WASHC5: variants seen among roughly 807,000 people sequenced by gnomAD.
WASHC5 encodes the protein WASH complex subunit strumpellin.
In WASHC5, 101 loss-of-function variants were observed where a neutral mutation model predicts 150.4. That is an observed-to-expected ratio of 0.67 (90% CI 0.57 to 0.79). WASHC5 has a LOEUF of 0.79. Ranked by LOEUF, WASHC5 falls within the 30% of genes least tolerant of loss-of-function variation. WASHC5 has a pLI of 0.00. For missense variants in WASHC5, 1,195 were observed against 1,396.3 expected, an observed-to-expected ratio of 0.86 and a Z score of 2.30; for synonymous variants, 467 against 491.2, an observed-to-expected ratio of 0.95 and a Z score of 0.65.
In WASHC5 at chr8:125,083,967, G is replaced by A. The variant is rs903412802; in HGVS notation, c.-69C>T. On this transcript the variant is annotated 5_prime_UTR_variant, in exon 2 of 29. Transcript: ENST00000318410. Reference sequence around the variant, plus strand: ...TTAACTGGCCTCAGAGCTGGTGTCTGTATATTATTAGATGAAACCAGGTGT... The same window carrying A: ...TTAACTGGCCTCAGAGCTGGTGTCTATATATTATTAGATGAAACCAGGTGT... 1.1e-4 allele frequency: 164 copies of A among 1,431,192 alleles called. No homozygotes were observed. The Admixed American group carries it at 1.4e-3, about 12-fold the overall frequency. 88.7% of individuals were successfully genotyped at this position (1,431,192 alleles called of 1,614,324 possible). A position where few individuals can be genotyped will look rare whatever the true frequency, so the allele number is the denominator to read the frequency against.
intron 1 of WASHC5, 112 bp from the exon 2 acceptor site, chr8:125,084,134 G>C: frequency 3.9e-6 from 2 of 509,856 alleles, no homozygotes; most frequent in South Asian, 4.2e-5. Context: ...AAGAAATAAT[G>C]AGTTCCTTTA....
At chr8:125,031,823 AC>A (rs1221059369) in intron 27 of WASHC5, among the ~76,000 whole-genome samples, 1 of 152,198 alleles carries the variant, frequency 6.6e-6, no homozygotes, top group Admixed American at 6.5e-5. Flanking sequence ...ACATGCAGAC[AC>A]TGCCCAGGCT....
intron 6 of WASHC5, among the ~76,000 whole-genome samples, chr8:125,077,507 G>A (rs1322248799): frequency 6.6e-6 from 1 of 152,186 alleles, no homozygotes; most frequent in Non-Finnish European, 1.5e-5. Flanking sequence ...AGAGAGTGGG[G>A]TGGACACACA....
chr8:125,051,130 C>T lies in WASHC5; in HGVS notation c.2098-465G>A, dbSNP rs576357688. Among the ~76,000 whole-genome samples, 448 of 152,162 alleles carry T rather than the reference C, an allele frequency of 2.9e-3. 4 individuals carry two copies. Among genetic ancestry groups the T allele is most frequent in the African/African-American group, 0.01 (420 of 41,494 alleles). The stretch of plus-strand genomic sequence containing the variant: ...ACATGAGCAAACTCAGATTTGAGGT[C>T]GGGCCACTCTGTAAATTGAATAATT... On this transcript the variant is annotated intron_variant, in intron 17 of 28. Coordinates refer to ENST00000318410, the MANE Select transcript of WASHC5 (RefSeq NM_014846.4).
intron 9 of WASHC5, among the ~76,000 whole-genome samples, chr8:125,072,359 G>C (rs1377947422): frequency 1.8e-5 from 2 of 108,648 alleles, no homozygotes; most frequent in Admixed American, 9.9e-5. Flanking sequence ...AAGTGGGGGG[G>C]GGGGGCGGGC....
At chr8:125,087,860 GA>G (rs60562440) in intron 1 of WASHC5, among the ~76,000 whole-genome samples, 84 of 152,074 alleles carry the variant, frequency 5.5e-4, no homozygotes, top group African/African-American at 1.8e-3. Flanking sequence ...AAAAGGAGAA[GA>G]AAAAGTTTTG....
intron 1 of WASHC5, among the ~76,000 whole-genome samples, chr8:125,089,292 T>C (rs1817522586): frequency 6.6e-6 from 1 of 152,162 alleles, no homozygotes; most frequent in Non-Finnish European, 1.5e-5. Context: ...GATGAAACTT[T>C]ACACCAGGAG....
chr8:125,055,757 T>C, intron 16 of WASHC5, 86 bp from the exon 17 acceptor site: 1 of 862,824 alleles, frequency 1.2e-6, no homozygotes, highest in South Asian at 1.3e-5. Context: ...CTTGTAGCTT[T>C]AGGACACCTG....
chr8:125,082,705 G>A (rs1221695967), intron 3 of WASHC5, among the ~76,000 whole-genome samples: 4 of 152,172 alleles, frequency 2.6e-5, no homozygotes, highest in African/African-American at 7.2e-5. Context: ...TGAATTACAA[G>A]TATCTAGGAG....
chr8:125,078,213 C>A (rs749595923), intron 6 of WASHC5, among the ~76,000 whole-genome samples: 1 of 152,166 alleles, frequency 6.6e-6, no homozygotes, highest in African/African-American at 2.4e-5. Flanking sequence ...GCTGCATGAT[C>A]TTCACAGCCT....
rs1232608796 is a variant in WASHC5, at chr8:125,075,058, A to C, written c.918T>G (p.Pro306=). ...ITVNLVDAWE[P]YKAAKTALNN... is the part of the protein sequence containing the mutation. ...TTAAAGCAGTTTTTGCAGCTTTGTA[A>C]GGTTCCCAAGCATCTACTAGATTAA... Residue 306 remains proline (P), a synonymous_variant, in exon 8 of 29, where the codon CCT becomes CCG. Transcript: ENST00000318410. 1.2e-6 allele frequency: 2 copies of C among 1,612,880 alleles called. No individual in the cohort carries two copies. The highest frequency in any genetic ancestry group is 2.7e-5 in the African/African-American group (2 of 74,888).
intron 20 of WASHC5, among the ~76,000 whole-genome samples, chr8:125,045,519 C>T (rs1053968187): frequency 6.6e-5 from 10 of 152,170 alleles, no homozygotes; most frequent in African/African-American, 2.4e-4. Context: ...AGCTTCCATT[C>T]CTGACGAATC....
At chr8:125,047,456 T>TA in intron 19 of WASHC5, 125 bp from the exon 20 acceptor site, 1 of 926,568 alleles carries the variant, frequency 1.1e-6, no homozygotes. Context: ...TTTTTTTTTT[T>TA]AGATGGAGTC....
chr8:125,059,594 G>A, intron 12 of WASHC5, 52 bp from the exon 13 acceptor site: 3 of 1,384,284 alleles, frequency 2.2e-6, no homozygotes, highest in East Asian at 2.3e-5. Flanking sequence ...ACTCTATGGT[G>A]CTCATTTGTT....
At chr8:125,065,272 G>C (rs139042014) in intron 10 of WASHC5, among the ~76,000 whole-genome samples, 124 of 152,274 alleles carry the variant, frequency 8.1e-4, no homozygotes, top group African/African-American at 2.9e-3. Flanking sequence ...AAAGAACCCA[G>C]CTGAAATGTC....
chr8:125,063,338 A>G (rs1476229899), intron 11 of WASHC5, among the ~76,000 whole-genome samples, 184 bp downstream of exon 11: 1 of 152,234 alleles, frequency 6.6e-6, no homozygotes, highest in Non-Finnish European at 1.5e-5. Flanking sequence ...AACATTGCCC[A>G]AGAGAGCAGA....
At chr8:125,026,149 T>C (rs2129937742) in intron 28 of WASHC5, among the ~76,000 whole-genome samples, 1 of 152,344 alleles carries the variant, frequency 6.6e-6, no homozygotes, top group South Asian at 2.1e-4. Context: ...CATTTTACCT[T>C]TCACCAACCT....
At position 125,057,523 on chromosome 8, in the gene WASHC5, C is replaced by T. The variant is rs554743660; in HGVS notation, c.1875+33G>A. On this transcript the variant is annotated intron_variant, in intron 15 of 28. Transcript: ENST00000318410. ...TGTATTTAAAACAGCAGTTATCTGG[C>T]AAGAGTAAATATCACCCTGATGCAT... 2.9e-6 allele frequency: 4 copies of T among 1,362,292 alleles called. No individual in the cohort carries two copies. In the African/African-American group the frequency reaches 5.7e-5, roughly 19 times the overall value. The allele number at this position is 1,362,292 out of a possible 1,614,324, so 84.4% of individuals were successfully genotyped here. A position where few individuals can be genotyped will look rare whatever the true frequency, so the allele number is the denominator to read the frequency against.
chr8:125,040,825 G>C (rs964139504), intron 23 of WASHC5: 1 of 152,188 alleles, frequency 6.6e-6, no homozygotes, highest in African/African-American at 2.4e-5. Flanking sequence ...CCAGTCTTGA[G>C]TATGTCTTTA....
Sources: gnomAD v4.1 joint callset for allele counts (sites outside exome capture counted in the v4.1 genomes callset) on GRCh38, gnomAD v4.1.1 for gene constraint, MANE v1.5 for transcripts, NCBI Gene and HGNC (gene_info 2026-07-23, HGNC 2026-07-21) for gene names.